Variants in SCIN observed in about 807,000 individuals in gnomAD.
The protein encoded by SCIN is adseverin.
In SCIN, 91 loss-of-function variants were observed where a neutral mutation model predicts 91.8. The observed-to-expected ratio is 0.99, with a 90% confidence interval of 0.84 to 1.18. SCIN has a LOEUF of 1.18. Ranked by LOEUF, SCIN falls within the 50% of genes most tolerant of loss-of-function variation. The pLI, the probability that SCIN is intolerant of heterozygous loss-of-function variation, is 0.00. For synonymous variants in SCIN, 367 were observed against 312.6 expected (o/e 1.17, Z -1.84); for missense variants, 1,087 against 863.9 (o/e 1.26, Z -3.24).
rs1562623173 is a variant in SCIN at position 12,626,725 on chromosome 7, G to T, written c.1123G>T (p.Ala375Ser). The change falls in exon 8 of 16, where the codon GCC (alanine) becomes TCC (serine). Residue 375 changes from alanine (A) to serine (S), a missense_variant. Coordinates refer to ENST00000297029, the MANE Select transcript of SCIN (RefSeq NM_001112706.3). ...VAQIKQIPFD[A>S]SKLHSSPQMA... is the part of the protein sequence containing the mutation. ...TCAAATAAAACAAATTCCCTTTGAT[G>T]CCTCAAAATTACACAGTTCTCCGCA... is the stretch of plus-strand genomic sequence containing the variant. 4.4e-6 allele frequency: 7 copies of T among 1,607,700 alleles called. No individual in the cohort carries two copies. The highest frequency in any genetic ancestry group is 5.9e-6 in the Non-Finnish European group (7 of 1,177,062).
chr7:12,585,915 C>T (rs1018292253), intron 3 of SCIN, among the ~76,000 whole-genome samples: 9 of 152,218 alleles, frequency 5.9e-5, no homozygotes, highest in Non-Finnish European at 1.3e-4. Context: ...CCTTTGATAT[C>T]CACGTCAGAT....
intron 8 of SCIN, 89 bp from the exon 9 acceptor site, chr7:12,629,012 G>A (rs1312259540): frequency 2.6e-6 from 3 of 1,157,648 alleles, no homozygotes; most frequent in East Asian, 2.8e-5. Context: ...TTTAATAATG[G>A]ATTTGAACCA....
chr7:12,628,187 G>A (rs533534135), intron 8 of SCIN, among the ~76,000 whole-genome samples: 1 of 152,182 alleles, frequency 6.6e-6, no homozygotes, highest in East Asian at 1.9e-4. Flanking sequence ...AAGATGAGGA[G>A]GCAGAATGAA....
chr7:12,625,060 C>A lies in SCIN; in HGVS notation c.810C>A (p.Asn270Lys). The A allele has an allele frequency of 6.3e-7, 1 of 1,591,230 alleles. No homozygotes were observed. Among genetic ancestry groups the A allele is most frequent in the Non-Finnish European group, 8.6e-7 (1 of 1,167,860 alleles). ...SMRVTVVAEE[N>K]PFSMAMLLSE... ...GAGTGACTGTGGTGGCAGAAGAAAA[C>A]CCCTTCTCAATGGCAATGCTGCTGT... The change falls in exon 6 of 16, where the codon AAC becomes AAA. Residue 270 changes from asparagine to lysine, a missense_variant. Physicochemically the swap from Asn to Lys is moderately conservative, Grantham distance 94 (BLOSUM62 0). Transcript: ENST00000297029.
chr7:12,596,362 G>A, intron 3 of SCIN: 1 of 455,646 alleles, frequency 2.2e-6, no homozygotes, highest in Non-Finnish European at 4.4e-6. Flanking sequence ...GTTTAATTAA[G>A]TGCAATAGGT....
intron 4 of SCIN, among the ~76,000 whole-genome samples, chr7:12,615,076 C>T (rs982282567): frequency 5.3e-5 from 8 of 152,124 alleles, no homozygotes; most frequent in South Asian, 2.1e-4. Flanking sequence ...ACAGACACTG[C>T]GATCTTAAAC....
At chr7:12,574,767 A>G (rs949411685) in intron 1 of SCIN, among the ~76,000 whole-genome samples, 1 of 152,146 alleles carries the variant, frequency 6.6e-6, no homozygotes, top group Admixed American at 6.5e-5. Flanking sequence ...AGTATCAGGT[A>G]GAGTGATTCC....
At chr7:12,576,521 A>G (rs1360869049) in intron 1 of SCIN, among the ~76,000 whole-genome samples, 1 of 152,168 alleles carries the variant, frequency 6.6e-6, no homozygotes, top group Non-Finnish European at 1.5e-5. Flanking sequence ...AGGGTTGTTC[A>G]TGTGAACTAT....
At chr7:12,624,457 A>G (rs937527332) in intron 5 of SCIN, among the ~76,000 whole-genome samples, 1 of 152,166 alleles carries the variant, frequency 6.6e-6, no homozygotes, top group Non-Finnish European at 1.5e-5. Flanking sequence ...TGCAGGACCT[A>G]TGTTGAAAAA....
rs1162126164 is a variant in SCIN at position 12,651,755 on chromosome 7, A to G, written c.1960-86A>G. The G allele has an allele frequency of 1.3e-6, 1 of 792,976 alleles. No individual in the cohort carries two copies. Among genetic ancestry groups the G allele is most frequent in the Admixed American group, 2.4e-5 (1 of 41,716 alleles). 49.1% of individuals were successfully genotyped at this position (792,976 alleles called of 1,614,324 possible). On this transcript the variant is annotated intron_variant, in intron 14 of 15. Transcript: ENST00000297029. This position sits in a 1 kb window ranked among gnomAD's most constrained non-coding sequence, Gnocchi z 5.9. ...GGATATTGTGAAGATTGAATGAGCA[A>G]TGTGTGTGTGAAGCACTTTACATAG...
At chr7:12,608,355 T>G (rs971014891) in intron 4 of SCIN, among the ~76,000 whole-genome samples, 16 of 132,662 alleles carry the variant, frequency 1.2e-4, no homozygotes, top group Non-Finnish European at 2.0e-4. Flanking sequence ...ACACAGAGTA[T>G]CCTTGTTTAA....
At chr7:12,642,607 A>G (rs1783879584) in intron 11 of SCIN, among the ~76,000 whole-genome samples, 1 of 148,488 alleles carries the variant, frequency 6.7e-6, no homozygotes, top group African/African-American at 2.5e-5. Context: ...CCACTAGTCC[A>G]CTGAAATGGT....
intron 9 of SCIN, among the ~76,000 whole-genome samples, chr7:12,632,410 C>A (rs1248072537): frequency 6.6e-6 from 1 of 152,040 alleles, no homozygotes; most frequent in Non-Finnish European, 1.5e-5. Flanking sequence ...AGATTACAGG[C>A]ATGAGCCACT....
At chr7:12,591,347 T>C (rs1782718386) in intron 3 of SCIN, among the ~76,000 whole-genome samples, 1 of 152,194 alleles carries the variant, frequency 6.6e-6, no homozygotes, top group South Asian at 2.1e-4. Flanking sequence ...GGTGGTATTC[T>C]GGCTGAAAGT....
intron 10 of SCIN, among the ~76,000 whole-genome samples, chr7:12,637,632 A>AGGAG (rs1783778479): frequency 6.6e-6 from 1 of 151,722 alleles, no homozygotes; most frequent in African/African-American, 2.4e-5. Context: ...GACAAGTAAG[A>AGGAG]AGGAGGAGAG....
At position 12,605,833 on chromosome 7, in the gene SCIN, C is replaced by T. The variant is rs565801800; in HGVS notation, c.666+1170C>T. 9.9e-4 allele frequency among the ~76,000 whole-genome samples: 151 copies of T among 152,252 alleles called. No homozygotes were observed. The Middle Eastern group carries it at 0.017, about 17-fold the overall frequency. Reference sequence around the variant, plus strand: ...CAATCATTTTAAGCTAAGAATTATACGCAACACACTTATGATTTTAGTGTA... The same window carrying T: ...CAATCATTTTAAGCTAAGAATTATATGCAACACACTTATGATTTTAGTGTA... On this transcript the variant is annotated intron_variant, in intron 4 of 15. Transcript: ENST00000297029.
At chr7:12,625,706 C>A in intron 6 of SCIN, 56 bp from the exon 7 acceptor site, 2 of 1,156,584 alleles carry the variant, frequency 1.7e-6, no homozygotes, top group East Asian at 2.4e-5. Flanking sequence ...ATTTCTTAAT[C>A]ATAGAATGTC....
In SCIN at chr7:12,626,752, A is replaced by T. The variant is rs375097836; in HGVS notation, c.1150A>T (p.Met384Leu). 1.2e-5 allele frequency: 20 copies of T among 1,610,868 alleles called. No individual in the cohort carries two copies. In the African/African-American group the frequency reaches 2.3e-4, roughly 18 times the overall value. The change falls in exon 8 of 16, where the codon ATG becomes TTG. Residue 384 changes from methionine to leucine, a missense_variant. Physicochemically the swap from Met to Leu is conservative, Grantham distance 15. Coordinates refer to ENST00000297029, the MANE Select transcript of SCIN (RefSeq NM_001112706.3). ...CTCAAAATTACACAGTTCTCCGCAG[A>T]TGGCAGCCCAGCACAATATGGTGGA... ...DASKLHSSPQMAAQHNMVDDG... is the reference protein window; with the variant it reads ...DASKLHSSPQLAAQHNMVDDG...
chr7:12,580,252 ATAG>A (rs1205048196), intron 2 of SCIN, among the ~76,000 whole-genome samples: 6 of 152,112 alleles, frequency 3.9e-5, no homozygotes, highest in South Asian at 2.1e-4. Flanking sequence ...ATTATAATTA[ATAG>A]TAGAAATAAA....
Sources: allele counts gnomAD v4.1 joint callset (sites outside exome capture counted in the v4.1 genomes callset), GRCh38; gene constraint gnomAD v4.1.1; non-coding constraint Gnocchi (gnomAD v3.1); transcripts MANE v1.5; gene names NCBI Gene and HGNC (gene_info 2026-07-23, HGNC 2026-07-21).